ERCC6L2: variants seen among roughly 807,000 people sequenced by gnomAD.
The protein encoded by ERCC6L2 is DNA excision repair protein ERCC-6-like 2.
In ERCC6L2, 77 loss-of-function variants were observed where a neutral mutation model predicts 132.0. The ratio of observed to expected loss-of-function variants is 0.58; its 90% CI spans 0.49 to 0.71. The LOEUF (loss-of-function observed/expected upper bound fraction) is 0.71. Ranked by LOEUF, ERCC6L2 falls within the 30% of genes least tolerant of loss-of-function variation. The probability of loss-of-function intolerance (pLI) is 0.00; values close to 1 mark genes in which losing one functional copy is unlikely to be tolerated. For missense variants in ERCC6L2, 1,542 were observed against 1,837.6 expected (o/e 0.84, Z 2.94); for synonymous variants, 583 against 632.4 (o/e 0.92, Z 1.17).
intron 4 of ERCC6L2, among the ~76,000 whole-genome samples, chr9:95,907,987 C>T (rs1034313195): frequency 6.6e-6 from 1 of 152,020 alleles, no homozygotes; most frequent in African/African-American, 2.4e-5. Context: ...GATCTTTATC[C>T]TGAGAGCAAT....
rs1336926034 is a variant in ERCC6L2 at position 96,004,597 on chromosome 9, A to G, written c.3570A>G (p.Ser1190=). 9 of 1,315,192 alleles carry G rather than the reference A, an allele frequency of 6.8e-6. No homozygotes were observed. Among genetic ancestry groups the G allele is most frequent in the Non-Finnish European group, 8.0e-6 (8 of 993,840 alleles). The allele number at this position is 1,315,192 out of a possible 1,614,324, so 81.5% of individuals were successfully genotyped here. Reference sequence around the variant, plus strand: ...AGCAACCGAGTGAAGGCAGCATTTCACTTCCTCTTTACATTTCAAATCCTG... The same window carrying G: ...AGCAACCGAGTGAAGGCAGCATTTCGCTTCCTCTTTACATTTCAAATCCTG... The part of the protein sequence containing the change: ...KGQQPSEGSI[S]LPLYISNPVN... The change falls in exon 18 of 19, where the codon TCA becomes TCG. Residue 1190 remains serine, a synonymous_variant. Transcript: ENST00000653738.
intron 2 of ERCC6L2, among the ~76,000 whole-genome samples, chr9:95,884,327 T>A (rs913360135): frequency 6.6e-6 from 1 of 152,184 alleles, no homozygotes; most frequent in African/African-American, 2.4e-5. Context: ...AAGGTAGAGC[T>A]TCTATAGATA....
chr9:95,895,523 C>T (rs1358741669), intron 2 of ERCC6L2, among the ~76,000 whole-genome samples: 1 of 151,830 alleles, frequency 6.6e-6, no homozygotes, highest in Non-Finnish European at 1.5e-5. Context: ...TAGATTGTTT[C>T]CTATTACTTT....
chr9:95,926,409 G>A (rs1297277081), intron 9 of ERCC6L2, among the ~76,000 whole-genome samples: 3 of 152,118 alleles, frequency 2.0e-5, no homozygotes, highest in African/African-American at 4.8e-5. Context: ...GATTAAAAAA[G>A]CTGTGGTACA....
At chr9:95,962,123 C>A (rs536439266) in intron 13 of ERCC6L2, among the ~76,000 whole-genome samples, 2 of 152,104 alleles carry the variant, frequency 1.3e-5, no homozygotes, top group Non-Finnish European at 2.9e-5. Context: ...ATTAAAAATG[C>A]AAGTGGTTAA....
intron 17 of ERCC6L2, among the ~76,000 whole-genome samples, chr9:95,997,561 T>C (rs1432629028): frequency 1.3e-5 from 2 of 152,254 alleles, no homozygotes; most frequent in Non-Finnish European, 1.5e-5. Context: ...GCATAATGTA[T>C]GCACACCTAA....
chr9:95,974,755 A>G (rs765235884), intron 16 of ERCC6L2, among the ~76,000 whole-genome samples: 5 of 148,232 alleles, frequency 3.4e-5, no homozygotes, highest in African/African-American at 5.1e-5. Context: ...TGTATTTTAT[A>G]TTTATACACA....
intron 17 of ERCC6L2, among the ~76,000 whole-genome samples, chr9:95,985,294 G>T (rs185847259): frequency 6.6e-6 from 1 of 152,200 alleles, no homozygotes; most frequent in South Asian, 2.1e-4. Flanking sequence ...CCACTTAGCC[G>T]TGGGCAGCAC....
intron 9 of ERCC6L2, among the ~76,000 whole-genome samples, chr9:95,926,408 A>C (rs1830101754): frequency 6.6e-6 from 1 of 152,224 alleles, no homozygotes; most frequent in Non-Finnish European, 1.5e-5. Context: ...GGATTAAAAA[A>C]GCTGTGGTAC....
At chr9:95,949,952 AGCCGAGAT>A (rs1399609446) in intron 12 of ERCC6L2, among the ~76,000 whole-genome samples, 1 of 151,346 alleles carries the variant, frequency 6.6e-6, no homozygotes, top group Non-Finnish European at 1.5e-5. Context: ...GCTTGCAGTG[AGCCGAGAT>A]GCCGAGATTG....
In ERCC6L2 at chr9:95,933,113, G is replaced by A. The variant is rs1008030727; in HGVS notation, c.1751+4249G>A. Among the ~76,000 whole-genome samples the A allele has an allele frequency of 3.9e-5, 6 of 152,146 alleles. No individual in the cohort carries two copies. In the South Asian group the frequency reaches 1.2e-3, roughly 32 times the overall value. On this transcript the variant is annotated intron_variant, in intron 11 of 18. Transcript: ENST00000653738. Reference sequence around the variant, plus strand: ...GAAGATTGCTACCTCAACTAGTAGAGATCTTATCTGTGGCTCATATATGGC... The same window carrying A: ...GAAGATTGCTACCTCAACTAGTAGAAATCTTATCTGTGGCTCATATATGGC...
Position 96,015,015 on chromosome 9 carries a change from G to GTTTTTTTTTTTTTTTTTTTTTTT in ERCC6L2, c.*1815_*1837dup, listed in dbSNP as rs767745101. Among the ~76,000 whole-genome samples the GTTTTTTTTTTTTTTTTTTTTTTT allele has an allele frequency of 3.1e-5, 2 of 65,426 alleles. No homozygotes were observed. The highest frequency in any genetic ancestry group is 6.3e-5 in the African/African-American group (1 of 15,894). 42.9% of individuals were successfully genotyped at this position (65,426 alleles called of 152,430 possible). On this transcript the variant is annotated 3_prime_UTR_variant, in exon 19 of 19. Transcript: ENST00000653738. ...GCTCTATAGTCTTCATATATGTACA[G>GTTTTTTTTTTTTTTTTTTTTTTT]TTTTTTTTTTTTTTTTTTTTTTTTT...
At chr9:95,889,614 G>A (rs917135014) in intron 2 of ERCC6L2, among the ~76,000 whole-genome samples, 1 of 151,856 alleles carries the variant, frequency 6.6e-6, no homozygotes, top group African/African-American at 2.4e-5. Flanking sequence ...CAAAATATAG[G>A]ACAATTCCAT....
At chr9:95,976,107 T>A (rs1343855047) in intron 16 of ERCC6L2, among the ~76,000 whole-genome samples, 3 of 152,184 alleles carry the variant, frequency 2.0e-5, no homozygotes, top group Non-Finnish European at 4.4e-5. Context: ...TTCCCCTGAA[T>A]TTTACAAATG....
At chr9:95,880,432 A>G (rs1044580761) in intron 1 of ERCC6L2, among the ~76,000 whole-genome samples, 1 of 152,174 alleles carries the variant, frequency 6.6e-6, no homozygotes, top group Non-Finnish European at 1.5e-5. Context: ...ATATGTATAT[A>G]TATATGTTCA....
intron 3 of ERCC6L2, chr9:95,906,480 A>C: frequency 5.8e-6 from 2 of 345,536 alleles, no homozygotes; most frequent in South Asian, 4.5e-5. Flanking sequence ...TACCCATGGC[A>C]ACAGGTGGGA....
intron 2 of ERCC6L2, among the ~76,000 whole-genome samples, chr9:95,889,493 A>G (rs1020250920): frequency 6.6e-6 from 1 of 151,952 alleles, no homozygotes; most frequent in African/African-American, 2.4e-5. Flanking sequence ...GCATGTGTGT[A>G]TCTTTAATTC....
At chr9:95,926,602 CAG>C (rs1372443824) in intron 9 of ERCC6L2, among the ~76,000 whole-genome samples, 2 of 152,034 alleles carry the variant, frequency 1.3e-5, no homozygotes, top group African/African-American at 4.8e-5. Flanking sequence ...GTAAAAAGAA[CAG>C]TGGTTGCTAT....
At chr9:95,938,557 T>G (rs1002370892) in intron 11 of ERCC6L2, among the ~76,000 whole-genome samples, 7 of 152,162 alleles carry the variant, frequency 4.6e-5, no homozygotes, top group African/African-American at 1.7e-4. Flanking sequence ...GATTGATCTT[T>G]TTGTCATTGT....
Sources: allele counts gnomAD v4.1 joint callset (sites outside exome capture counted in the v4.1 genomes callset), GRCh38; gene constraint gnomAD v4.1.1; transcripts MANE v1.5; gene names NCBI Gene and HGNC (gene_info 2026-07-23, HGNC 2026-07-21).